The following AP5Z1 variants were observed in gnomAD, a reference collection of about 807,000 sequenced individuals.
The protein encoded by AP5Z1 is adaptor related protein complex 5 subunit zeta 1.
AP5Z1 carries 106 observed loss-of-function variants against 83.0 expected under a neutral mutation model. The ratio of observed to expected loss-of-function variants is 1.28; its 90% CI spans 1.09 to 1.50. The LOEUF (loss-of-function observed/expected upper bound fraction) is 1.50. AP5Z1 is among the 40% of genes most tolerant of loss of function. AP5Z1 has a pLI of 0.00. For missense variants in AP5Z1, 1,565 were observed against 1,094.2 expected (o/e 1.43, Z -6.07); for synonymous variants, 751 against 514.1 (o/e 1.46, Z -6.23).
At position 4,791,534 on chromosome 7, in the gene AP5Z1, C is replaced by G. The variant is rs761922257; in HGVS notation, c.*149C>G. ...TGGGCTTGGCACCCTCACAGACACG[C>G]GGGGCTGGCCCCCCTGCTCACCCTC... On this transcript the variant is annotated 3_prime_UTR_variant, in exon 17 of 17. Transcript: ENST00000649063. 1.0e-5 allele frequency: 12 copies of G among 1,185,124 alleles called. No individual in the cohort carries two copies. The highest frequency in any genetic ancestry group is 1.4e-5 in the Non-Finnish European group (12 of 861,496). 73.4% of individuals were successfully genotyped at this position (1,185,124 alleles called of 1,614,324 possible).
rs1442727091 is a variant in AP5Z1 at position 4,783,429 on chromosome 7, C to T, written c.480C>T (p.Val160=). ...ACCTCCTCCCCGTCATGGCCAAGGT[C>T]GTGGTCCTCAGCCCGGGCACCCTCC... The part of the protein sequence containing the change: ...LRHLLPVMAK[V]VVLSPGTLQE... Residue 160 remains valine (V), a synonymous_variant, in exon 4 of 17, where the codon GTC becomes GTT. Transcript: ENST00000649063. 1.2e-5 allele frequency: 20 copies of T among 1,612,718 alleles called. No homozygotes were observed. Among genetic ancestry groups the T allele is most frequent in the Middle Eastern group, 1.7e-4 (1 of 5,938 alleles).
At chr7:4,779,372 A>T (rs914738211) in intron 1 of AP5Z1, among the ~76,000 whole-genome samples, 1 of 141,060 alleles carries the variant, frequency 7.1e-6, no homozygotes, top group Non-Finnish European at 1.6e-5. Context: ...ATAACGTGTT[A>T]TATGTCATAT....
In AP5Z1 at chr7:4,786,305, CCCGGTGGAGCAGTT is replaced by C; in HGVS notation, c.1191_1204del (p.Val398GlnfsTer7). 2 of 1,613,656 alleles carry C rather than the reference CCCGGTGGAGCAGTT, an allele frequency of 1.2e-6. No homozygotes were observed. The highest frequency in any genetic ancestry group is 8.5e-7 in the Non-Finnish European group (1 of 1,179,740). The stretch of plus-strand genomic sequence containing the variant: ...TCTACCAGCACCTGTTCACCAGGAT[CCCGGTGGAGCAGTT>C]CCACAGCCCCATGCTGGCCTTTGAA... On this transcript the variant is annotated frameshift_variant, in exon 10 of 17. Transcript: ENST00000649063. LOFTEE classifies it high-confidence loss of function.
intron 1 of AP5Z1, 81 bp downstream of exon 1, chr7:4,775,837 G>A (rs1229993681): frequency 1.9e-6 from 3 of 1,547,346 alleles, no homozygotes; most frequent in African/African-American, 2.7e-5. Context: ...CAGGGCAGGG[G>A]CTTGGGCGCC....
At chr7:4,788,389 C>A in intron 12 of AP5Z1, 95 bp downstream of exon 12, 1 of 1,392,384 alleles carries the variant, frequency 7.2e-7, no homozygotes, top group Admixed American at 2.8e-5. Flanking sequence ...AGGCTGAGGC[C>A]AGGGTGCTTT....
intron 1 of AP5Z1, among the ~76,000 whole-genome samples, chr7:4,776,551 T>C (rs564557460): frequency 8.5e-6 from 1 of 118,290 alleles, no homozygotes; most frequent in East Asian, 2.4e-4. Flanking sequence ...ACCACGTCTC[T>C]ACTGAAAATA....
Position 4,788,378 on chromosome 7 carries a change from TAGGCTG to T in AP5Z1, c.1595+89_1595+94del, listed in dbSNP as rs1781627509. 2.1e-6 allele frequency: 3 copies of T among 1,421,644 alleles called. No individual in the cohort carries two copies. In the African/African-American group the frequency reaches 4.3e-5, roughly 21 times the overall value. 88.1% of individuals were successfully genotyped at this position (1,421,644 alleles called of 1,614,324 possible). The stretch of plus-strand genomic sequence containing the variant: ...TGGGGTGGGGCTCACTGCTCAGCCC[TAGGCTG>T]AGGCCAGGGTGCTTTGTGTCCCACA... On this transcript the variant is annotated intron_variant, in intron 12 of 16. Coordinates refer to ENST00000649063, the MANE Select transcript of AP5Z1 (RefSeq NM_014855.3).
Position 4,791,763 on chromosome 7 carries a change from T to C in AP5Z1, c.*378T>C, listed in dbSNP as rs12154696. ...GTAAATCTCCTTTAATAAGCGTCTGTATGAAGAGTGCGCGATCAGTTCCGT... is the reference window on the plus strand; with the variant it reads ...GTAAATCTCCTTTAATAAGCGTCTGCATGAAGAGTGCGCGATCAGTTCCGT... On this transcript the variant is annotated 3_prime_UTR_variant, in exon 17 of 17. Coordinates refer to ENST00000649063, the MANE Select transcript of AP5Z1 (RefSeq NM_014855.3). 14,416 of 261,120 alleles carry C rather than the reference T, an allele frequency of 0.055. 505 individuals are homozygous for C. The highest frequency in any genetic ancestry group is 0.11 in the African/African-American group (5,041 of 45,326). 16.2% of individuals were successfully genotyped at this position (261,120 alleles called of 1,614,324 possible).
chr7:4,787,856 G>A, intron 11 of AP5Z1, 80 bp downstream of exon 11: 1 of 1,453,522 alleles, frequency 6.9e-7, no homozygotes, highest in Admixed American at 2.2e-5. Flanking sequence ...CGCTGCTCCT[G>A]ACCCCTACAC....
chr7:4,775,887 G>C (rs1032314545), intron 1 of AP5Z1, 131 bp downstream of exon 1: 2 of 1,345,552 alleles, frequency 1.5e-6, no homozygotes, highest in Admixed American at 2.3e-5. Flanking sequence ...CTCGAGACTT[G>C]GGGATCGGGT....
rs572193795 is a variant in AP5Z1 at position 4,792,604 on chromosome 7, C to G, written c.*1219C>G. ...GCCCAGGAAGCGCTCGCCTGCCCCACAGCCTGGGCCTTGGGTCGCGTTCCG... is the reference window on the plus strand; with the variant it reads ...GCCCAGGAAGCGCTCGCCTGCCCCAGAGCCTGGGCCTTGGGTCGCGTTCCG... On this transcript the variant is annotated 3_prime_UTR_variant, in exon 17 of 17. Transcript: ENST00000649063. 1.3e-5 allele frequency: 2 copies of G among 152,350 alleles called. No individual in the cohort carries two copies. Among genetic ancestry groups the G allele is most frequent in the African/African-American group, 4.8e-5 (2 of 41,586 alleles). The allele number at this position is 152,350 out of a possible 1,614,324, so 9.4% of individuals were successfully genotyped here.
intron 8 of AP5Z1, 21 bp downstream of exon 8, chr7:4,785,473 G>A (rs369505936): frequency 6.2e-7 from 1 of 1,612,958 alleles, no homozygotes; most frequent in Non-Finnish European, 8.5e-7. Context: ...GGGGACCAGG[G>A]GATGGGAGGC....
In AP5Z1 at chr7:4,784,205, G is replaced by C. The variant is rs772392202; in HGVS notation, c.624G>C (p.Pro208=). Reference sequence around the variant, plus strand: ...ACTCCTGCCTGTCCTTCCCACAGCCGGGCCCCGTCACCGAGGTGGACGGGG... The same window carrying C: ...ACTCCTGCCTGTCCTTCCCACAGCCCGGCCCCGTCACCGAGGTGGACGGGG... The part of the protein sequence containing the change: ...GFFSTPRARQ[P]GPVTEVDGAV... The change falls in exon 6 of 17, where the codon CCG becomes CCC. Residue 208 remains proline, a splice_region_variant and synonymous_variant. Coordinates refer to ENST00000649063, the MANE Select transcript of AP5Z1 (RefSeq NM_014855.3). 2 of 1,581,442 alleles carry C rather than the reference G, an allele frequency of 1.3e-6. No individual in the cohort carries two copies. The highest frequency in any genetic ancestry group is 1.7e-6 in the Non-Finnish European group (2 of 1,166,236).
chr7:4,778,769 C>T (rs1351744739), intron 1 of AP5Z1, among the ~76,000 whole-genome samples: 3 of 144,134 alleles, frequency 2.1e-5, no homozygotes, highest in African/African-American at 7.6e-5. Flanking sequence ...TTATATATTA[C>T]ATATATATTT....
rs752186910 is a variant in AP5Z1, at chr7:4,785,611, G to A, written c.1059G>A (p.Leu353=). The A allele has an allele frequency of 4.4e-6, 7 of 1,588,078 alleles. No homozygotes were observed. Among genetic ancestry groups the A allele is most frequent in the Non-Finnish European group, 4.3e-6 (5 of 1,169,834 alleles). ...LYRSLSCLKA[L]HGRVRGDPAS... ...GAAGTCTCTCCTGCCTGAAGGCCCT[G>A]CACGGGCGGGTGCGCGGGGACCCGG... Residue 353 remains leucine (L), a synonymous_variant, in exon 9 of 17, where the codon CTG becomes CTA. Coordinates refer to ENST00000649063, the MANE Select transcript of AP5Z1 (RefSeq NM_014855.3).
Position 4,790,746 on chromosome 7 carries a change from T to C in AP5Z1, c.2012T>C (p.Phe671Ser). 6.2e-7 allele frequency: 1 copy of C among 1,609,874 alleles called. No individual in the cohort carries two copies. The highest frequency in any genetic ancestry group is 8.5e-7 in the Non-Finnish European group (1 of 1,179,000). ...RCTVEQINKF[F>S]EALEALLFEV... Reference sequence around the variant, plus strand: ...ACCGTGGAGCAGATCAACAAGTTCTTCGAAGCCCTGGAGGCTCTGCTATTC... The same window carrying C: ...ACCGTGGAGCAGATCAACAAGTTCTCCGAAGCCCTGGAGGCTCTGCTATTC... Residue 671 changes from phenylalanine to serine, a missense_variant, in exon 16 of 17, where the codon TTC becomes TCC. By Grantham distance (155) the Phe-to-Ser change is radical. Transcript: ENST00000649063.
intron 1 of AP5Z1, among the ~76,000 whole-genome samples, chr7:4,779,091 A>G: frequency 7.1e-6 from 1 of 141,518 alleles, no homozygotes; most frequent in Middle Eastern, 3.8e-3. Context: ...TGTAATATAT[A>G]TAAAATATAT....
At position 4,781,233 on chromosome 7, in the gene AP5Z1, G is replaced by A. The variant is rs1463373249; in HGVS notation, c.100G>A (p.Ala34Thr). 2.5e-6 allele frequency: 4 copies of A among 1,613,782 alleles called. No homozygotes were observed. Among genetic ancestry groups the A allele is most frequent in the South Asian group, 1.1e-5 (1 of 91,080 alleles). ...FCSRICKLLQ[A>T]EDLGPDTLDS... is the part of the protein sequence containing the mutation. Reference sequence around the variant, plus strand: ...TTCCCGGATCTGTAAACTGCTGCAGGCGGAGGACTTGGGGCCGGACACCCT... The same window carrying A: ...TTCCCGGATCTGTAAACTGCTGCAGACGGAGGACTTGGGGCCGGACACCCT... Residue 34 changes from alanine to threonine, a missense_variant, in exon 2 of 17, where the codon GCG becomes ACG. Transcript: ENST00000649063.
intron 6 of AP5Z1, 136 bp from the exon 7 acceptor site, chr7:4,784,772 C>G: frequency 8.0e-7 from 1 of 1,244,740 alleles, no homozygotes; most frequent in Non-Finnish European, 1.1e-6. Context: ...GGTGGACGTC[C>G]TGAGACGGTG....
Sources: allele counts gnomAD v4.1 joint callset (sites outside exome capture counted in the v4.1 genomes callset), GRCh38; gene constraint gnomAD v4.1.1; transcripts MANE v1.5; gene names NCBI Gene and HGNC (gene_info 2026-07-23, HGNC 2026-07-21).